Variants in MYRIP observed in about 807,000 individuals in gnomAD.
MYRIP encodes the protein rab effector MyRIP.
A neutral mutation model predicts 98.0 loss-of-function variants in MYRIP; 49 were observed. The ratio of observed to expected loss-of-function variants is 0.50; its 90% CI spans 0.40 to 0.63. MYRIP has a LOEUF of 0.63. Ranked by LOEUF, MYRIP falls within the 30% of genes least tolerant of loss-of-function variation. The pLI is 0.00. For synonymous variants in MYRIP, 404 were observed against 409.5 expected (o/e 0.99, Z 0.16); for missense variants, 1,004 against 1,058.2 (o/e 0.95, Z 0.71).
chr3:39,826,042 G>T, intron 1 of MYRIP, among the ~76,000 whole-genome samples: 1 of 151,512 alleles, frequency 6.6e-6, no homozygotes, highest in Non-Finnish European at 1.5e-5. Flanking sequence ...TTTTGTTTCT[G>T]ATTTTATTTA....
At chr3:39,865,446 C>T (rs1202415751) in intron 1 of MYRIP, among the ~76,000 whole-genome samples, 2 of 152,016 alleles carry the variant, frequency 1.3e-5, no homozygotes, top group Admixed American at 1.3e-4. Flanking sequence ...GTCTAAAATC[C>T]AGCATCTATA....
At chr3:40,119,951 C>G (rs972610869) in intron 3 of MYRIP, among the ~76,000 whole-genome samples, 9 of 150,412 alleles carry the variant, frequency 6.0e-5, no homozygotes, top group African/African-American at 2.2e-4. Context: ...AATAAATAAA[C>G]TAATACACAA....
intron 1 of MYRIP, among the ~76,000 whole-genome samples, chr3:39,867,990 G>A (rs1942674028): frequency 6.6e-6 from 1 of 152,144 alleles, no homozygotes; most frequent in African/African-American, 2.4e-5. Flanking sequence ...AAAATGAGGG[G>A]AATCCTTCTC....
At chr3:39,888,966 A>T (rs1156255775) in intron 1 of MYRIP, among the ~76,000 whole-genome samples, 1 of 152,212 alleles carries the variant, frequency 6.6e-6, no homozygotes. Context: ...ATGCAAATCA[A>T]AACCACAATG....
At chr3:39,863,951 A>G (rs574848901) in intron 1 of MYRIP, among the ~76,000 whole-genome samples, 1 of 152,320 alleles carries the variant, frequency 6.6e-6, no homozygotes, top group East Asian at 1.9e-4. Context: ...CTAATCCATG[A>G]TTATCACATA....
chr3:40,002,856 A>G (rs1049045022), intron 2 of MYRIP, among the ~76,000 whole-genome samples: 4 of 152,086 alleles, frequency 2.6e-5, no homozygotes, highest in African/African-American at 9.7e-5. Flanking sequence ...CAATCTTTAT[A>G]CAAATATATA....
Position 40,189,902 on chromosome 3 carries a change from A to G in MYRIP, c.1104A>G (p.Leu368=). 1.2e-6 allele frequency: 2 copies of G among 1,614,018 alleles called. No individual in the cohort carries two copies. The highest frequency in any genetic ancestry group is 8.5e-7 in the Non-Finnish European group (1 of 1,179,978). ...LKDGAPPPTR[L]LAKPKSGTFQ... ...ATGGCGCTCCACCCCCCACCCGACTACTGGCCAAACCTAAGAGCGGGACGT... is the reference window on the plus strand; with the variant it reads ...ATGGCGCTCCACCCCCCACCCGACTGCTGGCCAAACCTAAGAGCGGGACGT... Residue 368 remains leucine, a synonymous_variant, in exon 10 of 17, where the codon CTA becomes CTG. Transcript: ENST00000302541.
chr3:39,976,299 C>T (rs974591757), intron 2 of MYRIP, among the ~76,000 whole-genome samples: 24 of 152,168 alleles, frequency 1.6e-4, no homozygotes, highest in African/African-American at 5.8e-4. Flanking sequence ...AGAAAATGCT[C>T]ATCATCACTG....
At chr3:40,231,491 C>A (rs1167057384) in intron 11 of MYRIP, among the ~76,000 whole-genome samples, 1 of 152,098 alleles carries the variant, frequency 6.6e-6, no homozygotes, top group Non-Finnish European at 1.5e-5. Context: ...GTATTCCAGG[C>A]CAAAAACCAT....
intron 2 of MYRIP, among the ~76,000 whole-genome samples, chr3:39,986,169 G>T (rs1321990822): frequency 6.6e-6 from 1 of 152,148 alleles, no homozygotes; most frequent in African/African-American, 2.4e-5. Context: ...AGTGTTAGGT[G>T]GGAATTGGGC....
intron 1 of MYRIP, among the ~76,000 whole-genome samples, chr3:39,830,261 T>C (rs1195567935): frequency 6.6e-6 from 1 of 152,156 alleles, no homozygotes; most frequent in African/African-American, 2.4e-5. Flanking sequence ...ATAGCACTGG[T>C]CAAATCCTGA....
At chr3:39,913,860 T>C (rs1035602522) in intron 2 of MYRIP, among the ~76,000 whole-genome samples, 3 of 152,212 alleles carry the variant, frequency 2.0e-5, no homozygotes, top group Middle Eastern at 3.2e-3. Context: ...GGCTTTCCCA[T>C]CACTGTTTTT....
intron 11 of MYRIP, among the ~76,000 whole-genome samples, chr3:40,232,233 C>CAGGCTA (rs1317087432): frequency 6.6e-6 from 1 of 152,186 alleles, no homozygotes; most frequent in African/African-American, 2.4e-5. Context: ...GTGGAACAGA[C>CAGGCTA]AGGCTAAGGC....
chr3:40,189,584 G>A (rs892303295), intron 9 of MYRIP, among the ~76,000 whole-genome samples: 73 of 152,304 alleles, frequency 4.8e-4, no homozygotes, highest in African/African-American at 1.7e-3. Flanking sequence ...GACTGAAATA[G>A]GAGCCAGATC....
chr3:39,991,777 C>T (rs1422876988), intron 2 of MYRIP, among the ~76,000 whole-genome samples: 1 of 152,132 alleles, frequency 6.6e-6, no homozygotes, highest in Non-Finnish European at 1.5e-5. Context: ...TGCTCTATAG[C>T]TTCTTTTTTC....
chr3:40,184,918 A>T (rs182097856), intron 9 of MYRIP, among the ~76,000 whole-genome samples: 40 of 152,340 alleles, frequency 2.6e-4, no homozygotes, highest in African/African-American at 9.4e-4. Context: ...AAAATTTTTT[A>T]AAAAGGACTT....
At chr3:39,924,479 G>A (rs1380271296) in intron 2 of MYRIP, among the ~76,000 whole-genome samples, 2 of 152,004 alleles carry the variant, frequency 1.3e-5, no homozygotes, top group Admixed American at 6.6e-5. Flanking sequence ...TTGAAAATAT[G>A]TAAAATTTAA....
At chr3:40,050,593 A>G (rs1947774496) in intron 3 of MYRIP, among the ~76,000 whole-genome samples, 1 of 152,202 alleles carries the variant, frequency 6.6e-6, no homozygotes, top group Non-Finnish European at 1.5e-5. Context: ...TCCACTCTAC[A>G]GCCCAAGATC....
intron 1 of MYRIP, among the ~76,000 whole-genome samples, chr3:39,890,430 G>A (rs974578505): frequency 3.3e-5 from 5 of 151,656 alleles, no homozygotes; most frequent in African/African-American, 1.2e-4. Flanking sequence ...AAAATATTTG[G>A]TCACTCTTTC....
Sources: gnomAD v4.1 joint callset for allele counts (sites outside exome capture counted in the v4.1 genomes callset) on GRCh38, gnomAD v4.1.1 for gene constraint, MANE v1.5 for transcripts, NCBI Gene and HGNC (gene_info 2026-07-23, HGNC 2026-07-21) for gene names.